The following LGSN variants were observed in gnomAD, a reference collection of about 807,000 sequenced individuals.
The protein encoded by LGSN is lengsin.
A neutral mutation model predicts 19.5 loss-of-function variants in LGSN; 21 were observed. That is an observed-to-expected ratio of 1.07 (90% CI 0.76 to 1.55). The LOEUF (loss-of-function observed/expected upper bound fraction) is 1.55. Among genes scored for constraint, LGSN ranks in the 40% most tolerant of loss-of-function variants. The pLI is 0.00. For missense variants in LGSN, 673 were observed against 608.5 expected (o/e 1.11, Z -1.12); for synonymous variants, 257 against 215.6 (o/e 1.19, Z -1.68).
chr6:63,546,040 T>C, the LGSN span, among the ~76,000 whole-genome samples: 1 of 152,188 alleles, frequency 6.6e-6, no homozygotes, highest in Admixed American at 6.5e-5. Context: ...TCCAAATATA[T>C]GAAATCAGTA....
At chr6:63,401,359 C>T in the LGSN span, among the ~76,000 whole-genome samples, 1 of 149,752 alleles carries the variant, frequency 6.7e-6, no homozygotes, top group Non-Finnish European at 1.5e-5. Flanking sequence ...ATGAGCATGC[C>T]ACTGCACACC....
chr6:63,535,392 A>AGAGTGTT, the LGSN span, among the ~76,000 whole-genome samples: 1 of 151,806 alleles, frequency 6.6e-6, no homozygotes, highest in Non-Finnish European at 1.5e-5. Context: ...TCACTTGAAC[A>AGAGTGTT]GGGAGGCAGA....
the LGSN span, among the ~76,000 whole-genome samples, chr6:63,402,562 G>T: frequency 2.0e-5 from 3 of 152,196 alleles, no homozygotes; most frequent in African/African-American, 7.2e-5. Flanking sequence ...ATTTGAATTA[G>T]TGACTTTGGA....
the LGSN span, among the ~76,000 whole-genome samples, chr6:63,391,619 A>C: frequency 6.6e-6 from 1 of 152,148 alleles, no homozygotes. Context: ...GTTCCTGCTC[A>C]CTTAAGTTTC....
At chr6:63,404,949 TC>T in the LGSN span, among the ~76,000 whole-genome samples, 1 of 90,456 alleles carries the variant, frequency 1.1e-5, no homozygotes, top group Admixed American at 1.3e-4. Flanking sequence ...ATGCTATCCC[TC>T]CCCCCGCCCC....
the LGSN span, among the ~76,000 whole-genome samples, chr6:63,537,959 C>A: frequency 6.6e-6 from 1 of 152,200 alleles, no homozygotes; most frequent in Admixed American, 6.5e-5. Context: ...GATGTAGTGT[C>A]ACAGACAAAT....
At chr6:63,527,504 A>G in the LGSN span, among the ~76,000 whole-genome samples, 1 of 152,176 alleles carries the variant, frequency 6.6e-6, no homozygotes, top group Non-Finnish European at 1.5e-5. Context: ...TAGAGGGTAT[A>G]AATAATATCT....
chr6:63,311,881 C>T (rs927861712), intron 1 of LGSN, among the ~76,000 whole-genome samples: 8 of 152,138 alleles, frequency 5.3e-5, no homozygotes, highest in African/African-American at 1.7e-4. Flanking sequence ...CTTTGACCAA[C>T]ATCTCCCCAA....
At chr6:63,289,626 T>TAA (rs5876852) in intron 2 of LGSN, among the ~76,000 whole-genome samples, 2 of 145,970 alleles carry the variant, frequency 1.4e-5, no homozygotes, top group Non-Finnish European at 3.0e-5. Context: ...AAGAAAATAT[T>TAA]AAAAAAAAAA....
the LGSN span, among the ~76,000 whole-genome samples, chr6:63,569,947 A>T: frequency 6.6e-6 from 1 of 152,230 alleles, no homozygotes; most frequent in Non-Finnish European, 1.5e-5. Flanking sequence ...ACTGTTCTCC[A>T]AGAATCTGCA....
the LGSN span, chr6:63,441,754 C>T: frequency 5.3e-6 from 2 of 379,596 alleles, no homozygotes; most frequent in Non-Finnish European, 1.0e-5. Flanking sequence ...AGTCCGAATC[C>T]TGCCCCTGCA....
chr6:63,481,181 C>T, the LGSN span, among the ~76,000 whole-genome samples: 1 of 151,882 alleles, frequency 6.6e-6, no homozygotes, highest in African/African-American at 2.4e-5. Context: ...TATGCAAAGG[C>T]ATACAAAGTG....
chr6:63,449,904 CAATTATTTATCA>C, the LGSN span, among the ~76,000 whole-genome samples: 6 of 152,152 alleles, frequency 3.9e-5, no homozygotes, highest in South Asian at 1.2e-3. Flanking sequence ...AACATAAACA[CAATTATTTATCA>C]AATGAAAACA....
the LGSN span, among the ~76,000 whole-genome samples, chr6:63,511,103 G>A: frequency 6.6e-6 from 1 of 152,160 alleles, no homozygotes; most frequent in African/African-American, 2.4e-5. Context: ...TAACAATCAG[G>A]GCACTTAACA....
the LGSN span, among the ~76,000 whole-genome samples, chr6:63,417,278 T>C: frequency 2.3e-4 from 35 of 152,216 alleles, no homozygotes; most frequent in Admixed American, 1.2e-3. Flanking sequence ...TTTTCTAACA[T>C]TCACAAAACC....
At chr6:63,541,456 G>A in the LGSN span, among the ~76,000 whole-genome samples, 1 of 151,960 alleles carries the variant, frequency 6.6e-6, no homozygotes, top group Non-Finnish European at 1.5e-5. Context: ...AGGAGGCTGA[G>A]ACAGGAAAAT....
the LGSN span, among the ~76,000 whole-genome samples, chr6:63,360,348 CTTTG>C: frequency 6.3e-4 from 96 of 152,298 alleles, no homozygotes; most frequent in African/African-American, 2.3e-3. Flanking sequence ...TTCTTGGAGG[CTTTG>C]TTTGTTTCTT....
intron 1 of LGSN, among the ~76,000 whole-genome samples, chr6:63,318,787 G>C (rs1259361788): frequency 6.6e-6 from 1 of 152,156 alleles, no homozygotes; most frequent in Non-Finnish European, 1.5e-5. Flanking sequence ...GCAGAGTTCT[G>C]CCATGGGATC....
At chr6:63,503,846 G>T in the LGSN span, among the ~76,000 whole-genome samples, 1 of 152,106 alleles carries the variant, frequency 6.6e-6, no homozygotes, top group Non-Finnish European at 1.5e-5. Context: ...AGCCTGAGGG[G>T]TCAAGGCTGC....
Sources: allele counts gnomAD v4.1 joint callset (sites outside exome capture counted in the v4.1 genomes callset), GRCh38; gene constraint gnomAD v4.1.1; transcripts MANE v1.5; gene names NCBI Gene and HGNC (gene_info 2026-07-23, HGNC 2026-07-21).